The following TTC6 variants were observed in gnomAD, a reference collection of about 807,000 sequenced individuals.
TTC6 encodes the protein tetratricopeptide repeat protein 6.
In TTC6, 172 loss-of-function variants were observed where a neutral mutation model predicts 210.4. The ratio of observed to expected loss-of-function variants is 0.82; its 90% CI spans 0.72 to 0.93. The LOEUF is 0.93. Ranked by LOEUF, TTC6 falls within the 40% of genes least tolerant of loss-of-function variation. TTC6 has a pLI of 0.00. For synonymous variants in TTC6, 804 were observed against 819.6 expected (o/e 0.98, Z 0.32); for missense variants, 2,414 against 2,318.1 (o/e 1.04, Z -0.85).
intron 7 of TTC6, among the ~76,000 whole-genome samples, chr14:37,734,348 A>G (rs1227412163): frequency 3.3e-5 from 5 of 152,176 alleles, no homozygotes; most frequent in African/African-American, 9.7e-5. Context: ...TTCTGGGCTT[A>G]GATTTTTTGT....
intron 1 of TTC6, among the ~76,000 whole-genome samples, chr14:37,640,249 T>G (rs1365729906): frequency 6.6e-6 from 1 of 152,124 alleles, no homozygotes; most frequent in Admixed American, 6.6e-5. Context: ...AGAAATGATT[T>G]TTTTTTTGCT....
intron 10 of TTC6, among the ~76,000 whole-genome samples, chr14:37,746,737 A>C (rs1344779497): frequency 6.6e-6 from 1 of 152,182 alleles, no homozygotes; most frequent in East Asian, 1.9e-4. Context: ...ATTTCAGGGC[A>C]TGCTTGAGGT....
At chr14:37,817,332 G>C (rs1400681044) in intron 25 of TTC6, among the ~76,000 whole-genome samples, 1 of 152,154 alleles carries the variant, frequency 6.6e-6, no homozygotes, top group Non-Finnish European at 1.5e-5. Flanking sequence ...GAGACCAGTA[G>C]TACAAGATTC....
chr14:37,768,976 A>G (rs1260809272), intron 14 of TTC6, among the ~76,000 whole-genome samples: 2 of 152,040 alleles, frequency 1.3e-5, no homozygotes, highest in Admixed American at 6.5e-5. Context: ...AATACGTCCC[A>G]TCAATACCTA....
rs923891976 is a variant in TTC6, at chr14:37,718,598, C to T, written c.1713+3802C>T. 7.2e-5 allele frequency among the ~76,000 whole-genome samples: 11 copies of T among 152,188 alleles called. No homozygotes were observed. In the South Asian group the frequency reaches 8.3e-4, roughly 11 times the overall value. ...CCAGAAAAGAAGCAATACAGCTGCC[C>T]GTATGTGCAGATGACATGACTGTCT... On this transcript the variant is annotated intron_variant, in intron 6 of 30. Coordinates refer to ENST00000553443, the Ensembl canonical transcript of TTC6.
chr14:37,727,117 G>C (rs932828396), intron 7 of TTC6, among the ~76,000 whole-genome samples: 3 of 151,416 alleles, frequency 2.0e-5, no homozygotes, highest in African/African-American at 7.3e-5. Flanking sequence ...CTGGCTATTA[G>C]ATATCGTGGC....
chr14:37,696,497 G>T (rs2095815048), intron 3 of TTC6, among the ~76,000 whole-genome samples: 1 of 151,898 alleles, frequency 6.6e-6, no homozygotes, highest in Non-Finnish European at 1.5e-5. Context: ...TAAAAATGTT[G>T]TAAATAAACA....
At position 37,744,594 on chromosome 14, in the gene TTC6, A is replaced by G. The variant is rs200473107; in HGVS notation, c.2364-4345A>G. Among the ~76,000 whole-genome samples, 27 of 152,294 alleles carry G rather than the reference A, an allele frequency of 1.8e-4. No individual in the cohort carries two copies. The East Asian group carries it at 3.5e-3, about 20-fold the overall frequency. On this transcript the variant is annotated intron_variant, in intron 10 of 30. Coordinates refer to ENST00000553443, the Ensembl canonical transcript of TTC6. ...TGCAGGGTGGAAAGAAGCGAGGTTG[A>G]GGAAGTGGTCAGAGATAATACCATG...
At chr14:37,765,325 A>AT (rs967504305) in intron 14 of TTC6, among the ~76,000 whole-genome samples, 2,297 of 132,912 alleles carry the variant, frequency 0.017, 67 homozygotes, top group Admixed American at 0.075. Context: ...ACCACACCTA[A>AT]TTTTTTTTTT....
intron 1 of TTC6, among the ~76,000 whole-genome samples, chr14:37,653,755 T>C (rs2095717046): frequency 6.6e-6 from 1 of 152,218 alleles, no homozygotes; most frequent in African/African-American, 2.4e-5. Flanking sequence ...GTTACATTTC[T>C]TAGAGAGTTG....
Position 37,622,783 on chromosome 14 carries a change from G to A in TTC6, c.719G>A (p.Arg240Gln), listed in dbSNP as rs1213070059. The change falls in exon 1 of 31, where the codon CGG becomes CAG. Residue 240 changes from arginine to glutamine, a missense_variant. By Grantham distance (43) the Arg-to-Gln change is conservative. Coordinates refer to ENST00000553443, the Ensembl canonical transcript of TTC6. ...AGCGAGAGCGGGGCCCGCGAGGCGC[G>A]GGAAGCGGCGGGGTTAGGAGCCCAG... The A allele has an allele frequency of 3.3e-6, 5 of 1,534,690 alleles. No individual in the cohort carries two copies. The African/African-American group carries it at 4.1e-5, about 13-fold the overall frequency.
rs539566677 is a variant in TTC6, at chr14:37,774,088, C to T, written c.3267-13380C>T. 1.9e-3 allele frequency among the ~76,000 whole-genome samples: 285 copies of T among 152,196 alleles called. 2 individuals carry two copies. The highest frequency in any genetic ancestry group is 3.2e-3 in the Admixed American group (49 of 15,286). On this transcript the variant is annotated intron_variant, in intron 14 of 30. Coordinates refer to ENST00000553443, the Ensembl canonical transcript of TTC6. ...ATATTCTTGGTATGGAGGAATGATA[C>T]TTCTTTTTTATACATTGATTTTGTA...
chr14:37,755,620 A>G (rs1211102140), intron 14 of TTC6, among the ~76,000 whole-genome samples: 1 of 152,130 alleles, frequency 6.6e-6, no homozygotes, highest in Non-Finnish European at 1.5e-5. Context: ...CCCCAGCACC[A>G]TTTATTAAAT....
intron 24 of TTC6, among the ~76,000 whole-genome samples, chr14:37,812,063 T>C (rs917095832): frequency 1.8e-4 from 28 of 152,186 alleles, no homozygotes; most frequent in African/African-American, 6.5e-4. Flanking sequence ...TGAAAATGTA[T>C]AGGGTGACTT....
chr14:37,646,432 A>C (rs923341843), intron 1 of TTC6, among the ~76,000 whole-genome samples: 1 of 152,278 alleles, frequency 6.6e-6, no homozygotes, highest in Middle Eastern at 3.4e-3. Flanking sequence ...CTTGGAAGAC[A>C]TATCTTTCAA....
intron 1 of TTC6, among the ~76,000 whole-genome samples, chr14:37,627,109 C>T (rs1349879327): frequency 6.6e-6 from 1 of 152,034 alleles, no homozygotes; most frequent in Non-Finnish European, 1.5e-5. Flanking sequence ...CCCCCACTCT[C>T]TCTTGCTCCT....
intron 15 of TTC6, 70 bp downstream of exon 17, chr14:37,787,707 G>A (rs1334680809): frequency 4.0e-6 from 5 of 1,265,204 alleles, no homozygotes; most frequent in Non-Finnish European, 5.2e-6. Context: ...TCATAGTGGT[G>A]AATGGTAATG....
At position 37,648,522 on chromosome 14, in the gene TTC6, AC is replaced by A. The variant is rs2095705698; in HGVS notation, c.939+25520del. On this transcript the variant is annotated intron_variant, in intron 1 of 30. Coordinates refer to ENST00000553443, the Ensembl canonical transcript of TTC6. ...ATTGTGTATTCTTTTTTTTTCTTCTACTGCATTTATCCACATTTGGTATCAA... is the reference window on the plus strand; with the variant it reads ...ATTGTGTATTCTTTTTTTTTCTTCTATGCATTTATCCACATTTGGTATCAA... 2.6e-5 allele frequency among the ~76,000 whole-genome samples: 4 copies of A among 151,678 alleles called. No homozygotes were observed. In the South Asian group the frequency reaches 8.3e-4, roughly 31 times the overall value.
chr14:37,818,788 C>G (rs2096148527), intron 26 of TTC6, among the ~76,000 whole-genome samples: 1 of 152,058 alleles, frequency 6.6e-6, no homozygotes, highest in Admixed American at 6.6e-5. Context: ...CTATTTTAAT[C>G]CAGCAACCTT....
Sources: gnomAD v4.1 joint callset for allele counts (sites outside exome capture counted in the v4.1 genomes callset) on GRCh38, gnomAD v4.1.1 for gene constraint, MANE v1.5 for transcripts, NCBI Gene and HGNC (gene_info 2026-07-23, HGNC 2026-07-21) for gene names.